PITPNM3: variants seen among roughly 807,000 people sequenced by gnomAD.
The protein encoded by PITPNM3 is PITPNM family member 3, also known as membrane-associated phosphatidylinositol transfer protein 3.
Under a neutral mutation model 102.0 loss-of-function variants are expected in PITPNM3, and 26 were observed. That is an observed-to-expected ratio of 0.25 (90% CI 0.19 to 0.35). PITPNM3 has a LOEUF of 0.35. Ranked by LOEUF, PITPNM3 falls within the 10% of genes least tolerant of loss-of-function variation. PITPNM3 has a pLI of 1.00. For missense variants in PITPNM3, 1,083 were observed against 1,346.1 expected (o/e 0.80, Z 3.06); for synonymous variants, 578 against 558.6 (o/e 1.03, Z -0.49).
rs182595262 is a variant in PITPNM3, at chr17:6,537,354, C to T, written c.118+633G>A. On this transcript the variant is annotated intron_variant, in intron 2 of 19. Transcript: ENST00000262483. This position sits in a 1 kb window ranked among gnomAD's most constrained non-coding sequence, Gnocchi z 4.4. ...GCCTCCCGGGTCCAAGCGATTCTCCCGCCTCAGCTTCCCCAGTAGCTGGGA... is the reference window on the plus strand; with the variant it reads ...GCCTCCCGGGTCCAAGCGATTCTCCTGCCTCAGCTTCCCCAGTAGCTGGGA... Among the ~76,000 whole-genome samples, 224 of 151,850 alleles carry T rather than the reference C, an allele frequency of 1.5e-3. 2 individuals are homozygous for T. The highest frequency in any genetic ancestry group is 5.0e-3 in the African/African-American group (208 of 41,398).
chr17:6,550,121 G>A, intron 1 of PITPNM3, among the ~76,000 whole-genome samples: 1 of 152,208 alleles, frequency 6.6e-6, no homozygotes, highest in East Asian at 1.9e-4. Flanking sequence ...AGGAAACTGA[G>A]GCCCAAAGAG....
intron 3 of PITPNM3, among the ~76,000 whole-genome samples, chr17:6,510,355 T>C (rs1907799112): frequency 1.3e-5 from 2 of 152,172 alleles, no homozygotes; most frequent in Admixed American, 1.3e-4. Flanking sequence ...CCTCCGTACC[T>C]TTGTCCCTGC....
chr17:6,549,938 G>C (rs1910222251), intron 1 of PITPNM3, among the ~76,000 whole-genome samples: 1 of 152,216 alleles, frequency 6.6e-6, no homozygotes, highest in African/African-American at 2.4e-5. Flanking sequence ...TGACCCTCAA[G>C]TCTGGGAGGA....
chr17:6,497,503 G>C (rs1906905609), intron 4 of PITPNM3, among the ~76,000 whole-genome samples: 1 of 152,220 alleles, frequency 6.6e-6, no homozygotes, highest in Admixed American at 6.5e-5. Flanking sequence ...AGGCTCAGTA[G>C]AGGATGAAGA....
chr17:6,455,598 T>G lies in PITPNM3; in HGVS notation c.2665A>C (p.Ser889Arg). ...TTCTTCTTTGGGCGTGAGCGGTGGC[T>G]GGCCTCCAGCGCGGCCAGGTGTGCG... Reference protein sequence around the residue: ...YAAHLAALEASHRSRPKKNNS... With the variant: ...YAAHLAALEARHRSRPKKNNS... The change falls in exon 20 of 20, where the codon AGC becomes CGC. Residue 889 changes from serine (S) to arginine (R), a missense_variant. Around this residue, in one of 5 missense-constraint regions of PITPNM3, gnomAD observed 208 missense variants for 178.2 expected, o/e 1.17. Coordinates refer to ENST00000262483, the MANE Select transcript of PITPNM3 (RefSeq NM_031220.4). The G allele has an allele frequency of 1.3e-6, 2 of 1,546,444 alleles. No homozygotes were observed. The highest frequency in any genetic ancestry group is 1.7e-6 in the Non-Finnish European group (2 of 1,150,156).
At chr17:6,553,860 T>A (rs922174227) in intron 1 of PITPNM3, among the ~76,000 whole-genome samples, 8 of 152,132 alleles carry the variant, frequency 5.3e-5, no homozygotes, top group African/African-American at 1.7e-4. Flanking sequence ...TGGGCCTCAG[T>A]TTCCCCAGCT....
intron 4 of PITPNM3, among the ~76,000 whole-genome samples, chr17:6,497,290 G>C (rs1906888817): frequency 6.6e-6 from 1 of 152,174 alleles, no homozygotes; most frequent in South Asian, 2.1e-4. Flanking sequence ...TGGCTGGTCA[G>C]GGCATTCAGA....
At chr17:6,508,613 G>A (rs1191388847) in intron 3 of PITPNM3, among the ~76,000 whole-genome samples, 1 of 152,154 alleles carries the variant, frequency 6.6e-6, no homozygotes, top group Non-Finnish European at 1.5e-5. Flanking sequence ...CGGGAGCAGA[G>A]AAGGGGACAT....
At chr17:6,515,669 T>C (rs748686442) in intron 3 of PITPNM3, among the ~76,000 whole-genome samples, 8 of 152,124 alleles carry the variant, frequency 5.3e-5, no homozygotes, top group Non-Finnish European at 1.0e-4. Flanking sequence ...ATCTCACCTA[T>C]GATCTTTGGC....
chr17:6,533,584 A>G (rs1486483365), intron 2 of PITPNM3, among the ~76,000 whole-genome samples: 1 of 151,866 alleles, frequency 6.6e-6, no homozygotes, highest in East Asian at 1.9e-4. Flanking sequence ...TCTCCTGAGT[A>G]GCTGGGATTA....
chr17:6,491,808 G>T (rs1435687680), intron 4 of PITPNM3, among the ~76,000 whole-genome samples: 1 of 110,222 alleles, frequency 9.1e-6, no homozygotes, highest in East Asian at 2.5e-4. Flanking sequence ...TAGATGCTGG[G>T]ACAATGGAAT....
chr17:6,544,671 C>CACACAA, intron 1 of PITPNM3, among the ~76,000 whole-genome samples: 1 of 151,960 alleles, frequency 6.6e-6, no homozygotes, highest in African/African-American at 2.4e-5. Flanking sequence ...CACACACACA[C>CACACAA]ACACACAAAT....
chr17:6,487,541 G>A (rs753020101), intron 4 of PITPNM3, among the ~76,000 whole-genome samples: 2 of 152,142 alleles, frequency 1.3e-5, no homozygotes, highest in African/African-American at 4.8e-5. Flanking sequence ...TTGCTGGGCT[G>A]GGCGCCTGTT....
chr17:6,456,237 C>T (rs1242824171), intron 19 of PITPNM3, among the ~76,000 whole-genome samples: 1 of 152,110 alleles, frequency 6.6e-6, no homozygotes, highest in Non-Finnish European at 1.5e-5. Flanking sequence ...GTTGCCAGGG[C>T]TGGCCTTGAA....
chr17:6,527,804 A>T (rs978690775), intron 2 of PITPNM3, among the ~76,000 whole-genome samples: 1 of 152,186 alleles, frequency 6.6e-6, no homozygotes, highest in Non-Finnish European at 1.5e-5. Context: ...ACATAAGCTA[A>T]GAGAGCCAGG....
chr17:6,530,302 GC>G (rs1057512005), intron 2 of PITPNM3, among the ~76,000 whole-genome samples: 2 of 152,220 alleles, frequency 1.3e-5, no homozygotes, highest in Admixed American at 6.5e-5. Context: ...CTTGGCATGT[GC>G]CCCCCATTCT....
chr17:6,554,210 C>G (rs987669033), intron 1 of PITPNM3, among the ~76,000 whole-genome samples: 1 of 149,568 alleles, frequency 6.7e-6, no homozygotes. Context: ...GTCCCAGTTA[C>G]TTGGGAGGCT....
intron 2 of PITPNM3, among the ~76,000 whole-genome samples, chr17:6,536,817 G>A (rs115343877): frequency 1.9e-4 from 29 of 152,304 alleles, no homozygotes; most frequent in African/African-American, 6.7e-4. Context: ...CGTCTCAGGA[G>A]TAAGTCAACA....
Position 6,478,013 on chromosome 17 carries a change from C to T in PITPNM3, c.862G>A (p.Ala288Thr), listed in dbSNP as rs200058178. Residue 288 changes from alanine (A) to threonine (T), a missense_variant, in exon 8 of 20, where the codon GCC becomes ACC. Ala to Thr is a moderately conservative substitution (Grantham distance 58). Transcript: ENST00000262483. This position sits in a 1 kb window ranked among gnomAD's most constrained non-coding sequence, Gnocchi z 4.4. ...YSAGPSGDSP[A>T]SSSRKGSISS... ...ATGCTCCCCTTCCGGCTGCTGCTGG[C>T]AGGGCTGTCCCCTGAGGGCCCCGCA... The T allele has an allele frequency of 6.2e-7, 1 of 1,613,516 alleles. No homozygotes were observed.
Sources: allele counts gnomAD v4.1 joint callset (sites outside exome capture counted in the v4.1 genomes callset), GRCh38; gene constraint gnomAD v4.1.1; regional missense constraint gnomAD v4.1.1; non-coding constraint Gnocchi (gnomAD v3.1); transcripts MANE v1.5; gene names NCBI Gene and HGNC (gene_info 2026-07-23, HGNC 2026-07-21).